Variants in PCP4 observed in about 807,000 individuals in gnomAD.
The protein encoded by PCP4 is calmodulin regulator protein PCP4.
A neutral mutation model predicts 10.0 loss-of-function variants in PCP4; 8 were observed. The ratio of observed to expected loss-of-function variants is 0.80; its 90% CI spans 0.47 to 1.45. PCP4 has a LOEUF of 1.45. Among genes scored for constraint, PCP4 ranks in the 40% most tolerant of loss-of-function variants. PCP4 has a pLI of 0.00. For missense variants in PCP4, 54 were observed against 74.4 expected, an observed-to-expected ratio of 0.73 and a Z score of 1.01; for synonymous variants, 21 against 23.0, an observed-to-expected ratio of 0.91 and a Z score of 0.24.
intron 2 of PCP4, among the ~76,000 whole-genome samples, chr21:39,913,803 A>C (rs7279830): frequency 0.92 from 140,571 of 152,242 alleles, 65,094 homozygotes; most frequent in African/African-American, 0.98. Flanking sequence ...ATTCCATACA[A>C]AACAGACCCG....
chr21:39,877,456 G>A (rs8127562), intron 1 of PCP4, among the ~76,000 whole-genome samples: 29,901 of 151,682 alleles, frequency 0.2, 3,172 homozygotes, highest in South Asian at 0.39. Flanking sequence ...GGAGACCCAG[G>A]TGGGAGGATT....
At chr21:39,874,392 C>T (rs1174941929) in intron 1 of PCP4, among the ~76,000 whole-genome samples, 1 of 152,150 alleles carries the variant, frequency 6.6e-6, no homozygotes, top group Non-Finnish European at 1.5e-5. Context: ...TGAGATCACG[C>T]TATTCCTGGT....
At chr21:39,880,344 A>G (rs1301770592) in intron 1 of PCP4, among the ~76,000 whole-genome samples, 1 of 152,140 alleles carries the variant, frequency 6.6e-6, no homozygotes, top group African/African-American at 2.4e-5. Flanking sequence ...ATAAGAAACT[A>G]TTGTGTTCAA....
chr21:39,917,384 C>A (rs935755333), intron 2 of PCP4, among the ~76,000 whole-genome samples: 2 of 152,154 alleles, frequency 1.3e-5, no homozygotes, highest in Admixed American at 1.3e-4. Flanking sequence ...TTCTAGTGCA[C>A]CTGCCTGGCC....
chr21:39,907,023 A>T (rs1010004391), intron 2 of PCP4, among the ~76,000 whole-genome samples: 29 of 152,354 alleles, frequency 1.9e-4, no homozygotes, highest in East Asian at 1.7e-3. Context: ...TTTCAGAAGC[A>T]AAACCCCACC....
At chr21:39,878,626 C>A (rs1452141606) in intron 1 of PCP4, among the ~76,000 whole-genome samples, 1 of 152,196 alleles carries the variant, frequency 6.6e-6, no homozygotes, top group African/African-American at 2.4e-5. Context: ...AAAGTGCACA[C>A]ATTGGTTGGT....
intron 2 of PCP4, 65 bp downstream of exon 2, chr21:39,898,592 G>A (rs940841192): frequency 1.8e-5 from 23 of 1,270,710 alleles, no homozygotes; most frequent in Admixed American, 6.8e-5. Context: ...GTATGCAGCA[G>A]GTGCGGATCA....
chr21:39,921,298 C>G lies in PCP4; in HGVS notation c.62-7686C>G, dbSNP rs905900008. 3.8e-4 allele frequency among the ~76,000 whole-genome samples: 58 copies of G among 152,206 alleles called. 3 individuals carry two copies. Among genetic ancestry groups the G allele is most frequent in the Non-Finnish European group, 1.5e-5 (1 of 68,046 alleles). Reference sequence around the variant, plus strand: ...CATCTAAGGAGATGAAGTAGCACAACCCCACAGGATGAAAACAAGATTTGG... The same window carrying G: ...CATCTAAGGAGATGAAGTAGCACAAGCCCACAGGATGAAAACAAGATTTGG... On this transcript the variant is annotated intron_variant, in intron 2 of 2. Coordinates refer to ENST00000328619, the MANE Select transcript of PCP4 (RefSeq NM_006198.3).
chr21:39,887,991 C>T (rs2087409019), intron 1 of PCP4, among the ~76,000 whole-genome samples: 1 of 152,172 alleles, frequency 6.6e-6, no homozygotes, highest in Non-Finnish European at 1.5e-5. Context: ...CAAAGATATG[C>T]GGATTCGTGT....
intron 2 of PCP4, among the ~76,000 whole-genome samples, chr21:39,920,823 A>G (rs1443674022): frequency 6.6e-6 from 1 of 152,148 alleles, no homozygotes; most frequent in Non-Finnish European, 1.5e-5. Context: ...ATTTTTCTGG[A>G]AGTGCTATTT....
chr21:39,895,724 C>A (rs2087453793), intron 1 of PCP4, among the ~76,000 whole-genome samples: 1 of 152,190 alleles, frequency 6.6e-6, no homozygotes, highest in South Asian at 2.1e-4. Context: ...TGCTTGAGCG[C>A]CCTTGAAGCC....
intron 1 of PCP4, among the ~76,000 whole-genome samples, chr21:39,895,961 C>CT (rs2087454969): frequency 6.6e-6 from 1 of 152,226 alleles, no homozygotes; most frequent in Admixed American, 6.5e-5. Flanking sequence ...ATAACGAGTT[C>CT]TTTTTTTGTC....
chr21:39,920,306 A>C (rs2087590714), intron 2 of PCP4, among the ~76,000 whole-genome samples: 1 of 99,858 alleles, frequency 1.0e-5, no homozygotes, highest in African/African-American at 4.0e-5. Flanking sequence ...TGTGGTGTGT[A>C]TTTGATGTGT....
chr21:39,872,951 A>G (rs953394091), intron 1 of PCP4, among the ~76,000 whole-genome samples: 1 of 152,210 alleles, frequency 6.6e-6, no homozygotes, highest in Non-Finnish European at 1.5e-5. Context: ...TCATGACAGT[A>G]AAAGAAAATG....
chr21:39,882,520 T>C (rs1374522499), intron 1 of PCP4, among the ~76,000 whole-genome samples: 5 of 152,234 alleles, frequency 3.3e-5, no homozygotes, highest in Admixed American at 3.3e-4. Context: ...TCTTTCTCTG[T>C]GGCCGGTTTT....
chr21:39,909,857 G>A (rs911463448), intron 2 of PCP4, among the ~76,000 whole-genome samples: 4 of 150,366 alleles, frequency 2.7e-5, no homozygotes, highest in African/African-American at 4.9e-5. Flanking sequence ...GTGCAATGGC[G>A]TGACCTTGGC....
Position 39,918,449 on chromosome 21 carries a change from TTGTATTAA to T in PCP4, c.62-10532_62-10525del, listed in dbSNP as rs2087579586. 2.0e-5 allele frequency among the ~76,000 whole-genome samples: 3 copies of T among 152,304 alleles called. No individual in the cohort carries two copies. The South Asian group carries it at 6.2e-4, about 32-fold the overall frequency. On this transcript the variant is annotated intron_variant, in intron 2 of 2. Transcript: ENST00000328619. ...TTACTTTTGGCTACCAAATTAGGCT[TTGTATTAA>T]TGAGAACTTGATTTGAACAATCGAA...
chr21:39,871,785 A>T (rs980829607), intron 1 of PCP4, among the ~76,000 whole-genome samples: 1 of 152,182 alleles, frequency 6.6e-6, no homozygotes, highest in East Asian at 1.9e-4. Context: ...TTCTATGAAG[A>T]AATGCTGTGG....
intron 2 of PCP4, among the ~76,000 whole-genome samples, chr21:39,903,881 A>AAC (rs1203235030): frequency 6.3e-4 from 91 of 143,712 alleles, no homozygotes; most frequent in Admixed American, 1.3e-3. Context: ...AAAAACAAAA[A>AAC]AAAAAAAAAA....
Sources: gnomAD v4.1 joint callset for allele counts (sites outside exome capture counted in the v4.1 genomes callset) on GRCh38, gnomAD v4.1.1 for gene constraint, MANE v1.5 for transcripts, NCBI Gene and HGNC (gene_info 2026-07-23, HGNC 2026-07-21) for gene names.